C12orf42: variants seen among roughly 807,000 people sequenced by gnomAD.
The protein encoded by C12orf42 is uncharacterized protein C12orf42.
C12orf42 carries 25 observed loss-of-function variants against 21.6 expected under a neutral mutation model. That is an observed-to-expected ratio of 1.16 (90% CI 0.84 to 1.62). The LOEUF is 1.62. Among genes scored for constraint, C12orf42 ranks in the 40% most tolerant of loss-of-function variants. The probability of loss-of-function intolerance (pLI) is 0.00; values close to 1 mark genes in which losing one functional copy is unlikely to be tolerated. For missense variants in C12orf42, 483 were observed against 459.3 expected (o/e 1.05, Z -0.47); for synonymous variants, 174 against 175.0 (o/e 0.99, Z 0.05).
chr12:103,368,488 G>C (rs1019484131), intron 4 of C12orf42, among the ~76,000 whole-genome samples: 2 of 152,010 alleles, frequency 1.3e-5, no homozygotes, highest in African/African-American at 2.4e-5. Flanking sequence ...TGGCCAATCA[G>C]AGCCATTGGA....
At chr12:103,207,324 A>G in the C12orf42 span, among the ~76,000 whole-genome samples, 2 of 152,354 alleles carry the variant, frequency 1.3e-5, no homozygotes, top group Non-Finnish European at 2.9e-5. Flanking sequence ...GAGCCCTAAC[A>G]GGGGATCCTG....
At chr12:103,486,217 T>C (rs904155759) in intron 1 of C12orf42, among the ~76,000 whole-genome samples, 3 of 152,228 alleles carry the variant, frequency 2.0e-5, no homozygotes, top group African/African-American at 7.2e-5. Flanking sequence ...CTTTTCTACA[T>C]CTATTGAGAT....
Position 103,385,441 on chromosome 12 carries a change from A to T in C12orf42, c.147+16166T>A, listed in dbSNP as rs78610175. 9.0e-3 allele frequency among the ~76,000 whole-genome samples: 1,373 copies of T among 152,316 alleles called. 106 individuals are homozygous for T. In the East Asian group the frequency reaches 0.18, roughly 19 times the overall value. ...GCCCTTCATAATATTGTTAAACAAT[A>T]ATTATACTTATGATGAGTAATGAAT... On this transcript the variant is annotated intron_variant, in intron 3 of 5. Coordinates refer to ENST00000548883, the MANE Select transcript of C12orf42 (RefSeq NM_198521.5).
At chr12:103,562,551 C>T in the C12orf42 span, among the ~76,000 whole-genome samples, 1,158 of 152,280 alleles carry the variant, frequency 7.6e-3, 20 homozygotes, top group African/African-American at 0.027. Flanking sequence ...AACAGAAATC[C>T]TTACCTCAGC....
At chr12:103,325,918 A>G (rs1211521576) in intron 4 of C12orf42, among the ~76,000 whole-genome samples, 14 of 152,150 alleles carry the variant, frequency 9.2e-5, no homozygotes, top group African/African-American at 3.4e-4. Context: ...AGCATCAGAG[A>G]ATGAGCGATT....
At chr12:103,527,081 C>T in the C12orf42 span, among the ~76,000 whole-genome samples, 1 of 152,062 alleles carries the variant, frequency 6.6e-6, no homozygotes, top group Admixed American at 6.6e-5. Flanking sequence ...TCCTCTTCTT[C>T]TTGTCAGGGA....
the C12orf42 span, among the ~76,000 whole-genome samples, chr12:103,054,371 G>A: frequency 6.6e-6 from 1 of 151,536 alleles, no homozygotes; most frequent in Admixed American, 6.6e-5. Context: ...TTTAATTTTG[G>A]TTTCCACATA....
the C12orf42 span, among the ~76,000 whole-genome samples, chr12:103,209,391 G>T: frequency 6.6e-6 from 1 of 152,264 alleles, no homozygotes; most frequent in Admixed American, 6.5e-5. Context: ...ATAGACTCCT[G>T]CTTTGGTGTT....
chr12:103,305,788 C>G (rs1593353731), intron 5 of C12orf42, among the ~76,000 whole-genome samples, 186 bp downstream of exon 5: 1 of 152,150 alleles, frequency 6.6e-6, no homozygotes, highest in Non-Finnish European at 1.5e-5. Flanking sequence ...CACACCTGTT[C>G]TCTCCTCCAA....
the C12orf42 span, among the ~76,000 whole-genome samples, chr12:103,533,855 T>C: frequency 1.4e-3 from 216 of 152,344 alleles, no homozygotes; most frequent in African/African-American, 4.9e-3. Flanking sequence ...AGAAATGCTT[T>C]GTGTGGAGTC....
At chr12:103,207,225 A>G in the C12orf42 span, among the ~76,000 whole-genome samples, 1 of 152,186 alleles carries the variant, frequency 6.6e-6, no homozygotes, top group Non-Finnish European at 1.5e-5. Context: ...GAAATATAGC[A>G]TGATTAACCA....
the C12orf42 span, among the ~76,000 whole-genome samples, chr12:103,163,989 T>A: frequency 6.6e-6 from 1 of 152,198 alleles, no homozygotes; most frequent in African/African-American, 2.4e-5. Context: ...AAACTAGATT[T>A]ACTGTACACC....
intron 10 of C12orf42, among the ~76,000 whole-genome samples, chr12:103,261,631 ATTTG>A (rs1029532676): frequency 3.3e-5 from 5 of 152,026 alleles, no homozygotes; most frequent in Admixed American, 2.0e-4. Context: ...GTGGAATTTA[ATTTG>A]TTTAATTACA....
intron 2 of C12orf42, among the ~76,000 whole-genome samples, chr12:103,406,091 C>G (rs1566254550): frequency 1.3e-5 from 2 of 152,156 alleles, no homozygotes; most frequent in African/African-American, 2.4e-5. Context: ...CCTGAGACTT[C>G]ATAGGCAAAG....
intron 10 of C12orf42, chr12:103,238,011 T>C (rs1190233367): frequency 5.9e-5 from 9 of 152,226 alleles, no homozygotes; most frequent in Non-Finnish European, 1.2e-4. Flanking sequence ...ATTAATATAC[T>C]GCAGGAGGCA....
chr12:103,316,785 A>G (rs1163995774), intron 4 of C12orf42, among the ~76,000 whole-genome samples: 4 of 152,032 alleles, frequency 2.6e-5, no homozygotes. Context: ...AGCGCTTGGC[A>G]CATAGTAAAT....
At chr12:103,412,164 T>C (rs2048899749) in intron 2 of C12orf42, among the ~76,000 whole-genome samples, 1 of 152,194 alleles carries the variant, frequency 6.6e-6, no homozygotes, top group Non-Finnish European at 1.5e-5. Flanking sequence ...TTTAACTGAG[T>C]TTAAATTTTT....
At chr12:103,218,280 A>G in the C12orf42 span, among the ~76,000 whole-genome samples, 3 of 111,494 alleles carry the variant, frequency 2.7e-5, no homozygotes, top group Non-Finnish European at 5.2e-5. Flanking sequence ...ACTCCGCTTC[A>G]AAAAAAAAAA....
the C12orf42 span, among the ~76,000 whole-genome samples, chr12:103,050,989 G>C: frequency 6.6e-6 from 1 of 151,898 alleles, no homozygotes; most frequent in Admixed American, 6.6e-5. Context: ...ATTCCTAAAC[G>C]GCCCATTTAC....
Sources: gnomAD v4.1 joint callset for allele counts (sites outside exome capture counted in the v4.1 genomes callset) on GRCh38, gnomAD v4.1.1 for gene constraint, MANE v1.5 for transcripts, NCBI Gene and HGNC (gene_info 2026-07-23, HGNC 2026-07-21) for gene names.